Variants in IFT81 observed in about 807,000 individuals in gnomAD.
IFT81 encodes the protein intraflagellar transport protein 81 homolog.
IFT81 carries 72 observed loss-of-function variants against 102.6 expected under a neutral mutation model. That is an observed-to-expected ratio of 0.70 (90% CI 0.58 to 0.85). The LOEUF (loss-of-function observed/expected upper bound fraction) is 0.85, where lower values mean the gene tolerates loss of function less well. Ranked by LOEUF, IFT81 falls within the 40% of genes least tolerant of loss-of-function variation. The pLI is 0.00. For synonymous variants in IFT81, 237 were observed against 242.7 expected, an observed-to-expected ratio of 0.98 and a Z score of 0.22; for missense variants, 723 against 787.3, an observed-to-expected ratio of 0.92 and a Z score of 0.98.
At chr12:110,140,518 T>C (rs1894826902) in intron 8 of IFT81, among the ~76,000 whole-genome samples, 1 of 152,094 alleles carries the variant, frequency 6.6e-6, no homozygotes, top group South Asian at 2.1e-4. Flanking sequence ...ATAGAGAAAA[T>C]ATTATTTGAG....
intron 12 of IFT81, among the ~76,000 whole-genome samples, chr12:110,188,267 G>A (rs1198677169): frequency 6.6e-6 from 1 of 151,576 alleles, no homozygotes; most frequent in African/African-American, 2.4e-5. Flanking sequence ...GGGAGGCGGA[G>A]GTTGCAGTGA....
chr12:110,165,914 A>G (rs916055457), intron 11 of IFT81, among the ~76,000 whole-genome samples: 7 of 152,222 alleles, frequency 4.6e-5, no homozygotes, highest in African/African-American at 1.7e-4. Flanking sequence ...TGGCATCTGA[A>G]AGTAATCATT....
In IFT81 at chr12:110,127,472, C is replaced by T; in HGVS notation, c.92C>T (p.Pro31Leu). 1 of 1,610,324 alleles carries T rather than the reference C, an allele frequency of 6.2e-7. No individual in the cohort carries two copies. The highest frequency in any genetic ancestry group is 1.7e-5 in the Admixed American group (1 of 59,378). ...YNLITFDSLE[P>L]MQLLQVLSDV... is the part of the protein sequence containing the mutation. ...TTAATCACGTTTGATTCCTTGGAGC[C>T]AATGCAACTATTACAAGTTCTCAGT... Residue 31 changes from proline to leucine, a missense_variant, in exon 2 of 19, where the codon CCA becomes CTA. Transcript: ENST00000242591.
At chr12:110,214,065 G>T (rs1869788351) in intron 18 of IFT81, among the ~76,000 whole-genome samples, 1 of 152,112 alleles carries the variant, frequency 6.6e-6, no homozygotes, top group African/African-American at 2.4e-5. Context: ...CCTTCTTGAA[G>T]CTGATTCCTC....
chr12:110,217,763 C>A (rs941379939), intron 18 of IFT81, among the ~76,000 whole-genome samples: 5 of 151,992 alleles, frequency 3.3e-5, no homozygotes, highest in African/African-American at 1.2e-4. Context: ...ACTAGAAAGG[C>A]AAACAGTTTG....
At chr12:110,188,242 G>A (rs1897630407) in intron 12 of IFT81, among the ~76,000 whole-genome samples, 1 of 151,584 alleles carries the variant, frequency 6.6e-6, no homozygotes, top group Non-Finnish European at 1.5e-5. Flanking sequence ...TGAGGCAGGA[G>A]AATGGCATGA....
chr12:110,168,972 C>T lies in IFT81; in HGVS notation c.1188+5907C>T, dbSNP rs77435675. On this transcript the variant is annotated intron_variant, in intron 11 of 18. Coordinates refer to ENST00000242591, the MANE Select transcript of IFT81 (RefSeq NM_014055.4). ...AGTATATGAAGAGTGTGCTTTATGT[C>T]GAGCTCCTGCTTGCTTGCCTCTTTC... 956 of 152,062 alleles carry T rather than the reference C, an allele frequency of 6.3e-3. 11 individuals carry two copies. The highest frequency in any genetic ancestry group is 0.022 in the African/African-American group (894 of 41,478). The allele number at this position is 152,062 out of a possible 1,614,324, so 9.4% of individuals were successfully genotyped here.
chr12:110,199,784 C>T (rs1024450360), intron 14 of IFT81, among the ~76,000 whole-genome samples: 2 of 152,204 alleles, frequency 1.3e-5, no homozygotes, highest in Non-Finnish European at 2.9e-5. Context: ...AGGCAGCATA[C>T]ACATTACTCA....
At chr12:110,127,733 G>A (rs1893931815) in intron 2 of IFT81, among the ~76,000 whole-genome samples, 1 of 152,138 alleles carries the variant, frequency 6.6e-6, no homozygotes, top group Middle Eastern at 3.2e-3. Flanking sequence ...TCCACTTCCA[G>A]ACATAAATAG....
chr12:110,193,538 A>G (rs918636239), intron 14 of IFT81, among the ~76,000 whole-genome samples: 2 of 152,224 alleles, frequency 1.3e-5, no homozygotes, highest in African/African-American at 4.8e-5. Context: ...CAGAAGGTAA[A>G]TGCCCTCTAC....
chr12:110,164,825 G>C (rs955063823), intron 11 of IFT81, among the ~76,000 whole-genome samples: 2 of 152,140 alleles, frequency 1.3e-5, no homozygotes, highest in South Asian at 4.2e-4. Flanking sequence ...GCTGTCTAGA[G>C]AAAAAAATAA....
intron 10 of IFT81, chr12:110,162,331 C>CTTTTTTTTTTTTT (rs1160267123): frequency 6.0e-5 from 6 of 100,042 alleles, no homozygotes; most frequent in East Asian, 5.3e-4. Context: ...TAATATTTTT[C>CTTTTTTTTTTTTT]TTTTTTTTTT....
At chr12:110,130,739 T>C (rs1894113506) in intron 4 of IFT81, among the ~76,000 whole-genome samples, 1 of 152,006 alleles carries the variant, frequency 6.6e-6, no homozygotes, top group Non-Finnish European at 1.5e-5. Flanking sequence ...TACTTGTTCT[T>C]GAAGCATATC....
At chr12:110,201,402 C>CA (rs533398783) in intron 14 of IFT81, among the ~76,000 whole-genome samples, 197 of 90,506 alleles carry the variant, frequency 2.2e-3, no homozygotes, top group East Asian at 0.015. Context: ...GCTCTGTCTC[C>CA]AAAAAAAAAA....
intron 8 of IFT81, among the ~76,000 whole-genome samples, chr12:110,139,168 T>A (rs1894693064): frequency 6.6e-6 from 1 of 151,630 alleles, no homozygotes; most frequent in Non-Finnish European, 1.5e-5. Flanking sequence ...AAACCCTGTC[T>A]CTACAAAAAA....
chr12:110,135,515 T>C (rs1894439374), intron 7 of IFT81, 78 bp downstream of exon 7: 2 of 851,396 alleles, frequency 2.3e-6, no homozygotes, highest in Non-Finnish European at 3.7e-6. Context: ...GAAAAGAGTT[T>C]TAAAATTGTA....
chr12:110,204,874 C>A (rs1205346063), intron 15 of IFT81: 1 of 152,420 alleles, frequency 6.6e-6, no homozygotes, highest in African/African-American at 2.4e-5. Context: ...AAGCAGGGAA[C>A]CTGCCTGTTC....
At chr12:110,167,343 A>C (rs1441175969) in intron 11 of IFT81, among the ~76,000 whole-genome samples, 3 of 152,210 alleles carry the variant, frequency 2.0e-5, no homozygotes, top group Admixed American at 6.5e-5. Flanking sequence ...TGACATAAGT[A>C]GGAATTGCTT....
chr12:110,174,007 G>A (rs1896916060), intron 11 of IFT81, among the ~76,000 whole-genome samples: 1 of 151,926 alleles, frequency 6.6e-6, no homozygotes, highest in African/African-American at 2.4e-5. Context: ...GCCGGGCACG[G>A]TGGCTCACGC....
Sources: allele counts gnomAD v4.1 joint callset (sites outside exome capture counted in the v4.1 genomes callset), GRCh38; gene constraint gnomAD v4.1.1; transcripts MANE v1.5; gene names NCBI Gene and HGNC (gene_info 2026-07-23, HGNC 2026-07-21).